The following TLN2 variants were observed in gnomAD, a reference collection of about 807,000 sequenced individuals.
TLN2 encodes talin-2.
Under a neutral mutation model 294.7 loss-of-function variants are expected in TLN2, and 118 were observed. The observed-to-expected ratio is 0.40, with a 90% CI of 0.34 to 0.47. The LOEUF (loss-of-function observed/expected upper bound fraction) is 0.47. Among genes scored for constraint, TLN2 ranks in the 20% least tolerant of loss-of-function variants. The pLI, the probability that TLN2 is intolerant of heterozygous loss-of-function variation, is 0.84. For missense variants in TLN2, 3,083 were observed against 3,282.2 expected (o/e 0.94, Z 1.48); for synonymous variants, 1,431 against 1,304.5 (o/e 1.10, Z -2.09).
chr15:62,521,113 T>G (rs910150811), intron 1 of TLN2, among the ~76,000 whole-genome samples: 1 of 152,202 alleles, frequency 6.6e-6, no homozygotes, highest in African/African-American at 2.4e-5. Flanking sequence ...CCTTGACTTC[T>G]GGGCCAAACA....
intron 1 of TLN2, among the ~76,000 whole-genome samples, chr15:62,504,273 C>T (rs189198730): frequency 1.9e-4 from 29 of 152,324 alleles, no homozygotes; most frequent in African/African-American, 6.5e-4. Context: ...ATTGCATTCT[C>T]ATTCAGAATC....
intron 41 of TLN2, among the ~76,000 whole-genome samples, chr15:62,768,989 C>A (rs1469537139): frequency 6.6e-6 from 1 of 152,184 alleles, no homozygotes; most frequent in East Asian, 1.9e-4. Flanking sequence ...AGGGAAGATT[C>A]AAATCCAGTG....
intron 54 of TLN2, chr15:62,823,976 T>C (rs1281303771): frequency 3.8e-6 from 2 of 530,788 alleles, no homozygotes; most frequent in African/African-American, 3.9e-5. Context: ...CTGTGTGATA[T>C]GTTTGATATA....
chr15:62,426,181 C>G (rs569393087), intron 1 of TLN2, among the ~76,000 whole-genome samples: 5 of 152,196 alleles, frequency 3.3e-5, no homozygotes, highest in African/African-American at 1.2e-4. Context: ...AGGTGACTCC[C>G]GCTGTCACTC....
chr15:62,448,997 G>A (rs2035965197), intron 1 of TLN2, among the ~76,000 whole-genome samples: 1 of 152,284 alleles, frequency 6.6e-6, no homozygotes, highest in African/African-American at 2.4e-5. Context: ...TGGTGTCTCA[G>A]CTTTGCAGTT....
chr15:62,409,703 G>A (rs1264036011), intron 1 of TLN2, among the ~76,000 whole-genome samples: 1 of 151,830 alleles, frequency 6.6e-6, no homozygotes, highest in Non-Finnish European at 1.5e-5. Context: ...TGAAATATAT[G>A]TATATTCTTG....
chr15:62,623,478 G>A (rs564575595), intron 3 of TLN2, among the ~76,000 whole-genome samples: 7 of 152,158 alleles, frequency 4.6e-5, no homozygotes, highest in Non-Finnish European at 8.8e-5. Flanking sequence ...GTATTGCTGA[G>A]ATAATGATTC....
At chr15:62,534,155 C>T (rs548430243) in intron 1 of TLN2, among the ~76,000 whole-genome samples, 77 of 152,166 alleles carry the variant, frequency 5.1e-4, no homozygotes, top group Admixed American at 1.6e-3. Context: ...GATTTCTCCC[C>T]ACATACTCAC....
chr15:62,737,559 T>C (rs984704617), intron 29 of TLN2, among the ~76,000 whole-genome samples: 1 of 152,202 alleles, frequency 6.6e-6, no homozygotes, highest in African/African-American at 2.4e-5. Flanking sequence ...GACGTGGGGC[T>C]GGGAAGGAGA....
intron 1 of TLN2, among the ~76,000 whole-genome samples, chr15:62,464,400 A>G (rs1026462047): frequency 6.6e-6 from 1 of 152,142 alleles, no homozygotes; most frequent in African/African-American, 2.4e-5. Context: ...AGGAAGGGGA[A>G]CATCACACAC....
At chr15:62,597,451 C>G (rs1480585138) in intron 2 of TLN2, among the ~76,000 whole-genome samples, 1 of 152,212 alleles carries the variant, frequency 6.6e-6, no homozygotes, top group African/African-American at 2.4e-5. Flanking sequence ...CCCTTTTATA[C>G]TGCAGCAGCT....
intron 28 of TLN2, among the ~76,000 whole-genome samples, chr15:62,730,029 CTTTTTTTTTT>C (rs11368681): frequency 2.5e-5 from 3 of 121,174 alleles, no homozygotes; most frequent in African/African-American, 6.4e-5. Context: ...TTATTGTTGT[CTTTTTTTTTT>C]TTTTTTTTGA....
At chr15:62,713,186 GT>G (rs1220697149) in intron 22 of TLN2, among the ~76,000 whole-genome samples, 7 of 138,384 alleles carry the variant, frequency 5.1e-5, no homozygotes, top group Non-Finnish European at 6.1e-5. Context: ...GGAGAAAATT[GT>G]TTGAACCCAG....
chr15:62,629,907 G>A (rs1427514985), intron 3 of TLN2, among the ~76,000 whole-genome samples: 1 of 152,100 alleles, frequency 6.6e-6, no homozygotes, highest in Non-Finnish European at 1.5e-5. Context: ...AAATACATGA[G>A]CATTTTAAAG....
chr15:62,469,525 A>G (rs952038289), intron 1 of TLN2, among the ~76,000 whole-genome samples: 2 of 152,228 alleles, frequency 1.3e-5, no homozygotes, highest in East Asian at 3.8e-4. Flanking sequence ...TTGCAGAGGA[A>G]GACTAGTTGT....
In TLN2 at chr15:62,586,842, A is replaced by G. The variant is rs532588919; in HGVS notation, c.-237-2845A>G. ...TGTCTCTTGAAATAGATTTTTGCCT[A>G]TTTTCATAGCGGCTTTGAGCTTCTT... On this transcript the variant is annotated intron_variant, in intron 1 of 58. Transcript: ENST00000636159. Among the ~76,000 whole-genome samples, 7 of 152,248 alleles carry G rather than the reference A, an allele frequency of 4.6e-5. No homozygotes were observed. In the South Asian group the frequency reaches 1.0e-3, roughly 23 times the overall value.
intron 41 of TLN2, among the ~76,000 whole-genome samples, chr15:62,768,162 A>C (rs1311780427): frequency 6.6e-6 from 1 of 152,164 alleles, no homozygotes; most frequent in Non-Finnish European, 1.5e-5. Flanking sequence ...TGGGAGTGAT[A>C]AGAAATGCCA....
At chr15:62,615,461 T>C (rs926423924) in intron 2 of TLN2, among the ~76,000 whole-genome samples, 1 of 152,242 alleles carries the variant, frequency 6.6e-6, no homozygotes, top group South Asian at 2.1e-4. Flanking sequence ...ACTTTTAATT[T>C]GGCAAATTGG....
At chr15:62,631,653 C>CTTTTTCTTTA (rs2049899551) in intron 3 of TLN2, among the ~76,000 whole-genome samples, 1 of 145,726 alleles carries the variant, frequency 6.9e-6, no homozygotes, top group Non-Finnish European at 1.5e-5. Context: ...TTCTTTCCTT[C>CTTTTTCTTTA]TTTTTCTTTC....
Sources: allele counts gnomAD v4.1 joint callset (sites outside exome capture counted in the v4.1 genomes callset), GRCh38; gene constraint gnomAD v4.1.1; transcripts MANE v1.5; gene names NCBI Gene and HGNC (gene_info 2026-07-23, HGNC 2026-07-21).